GTF2IRD1: variants seen among roughly 807,000 people sequenced by gnomAD.
GTF2IRD1 encodes GTF2I repeat domain containing 1, also known as general transcription factor II-I repeat domain-containing protein 1.
In GTF2IRD1, 26 loss-of-function variants were observed where a neutral mutation model predicts 113.2. The observed-to-expected ratio is 0.23, with a 90% confidence interval of 0.17 to 0.32. The LOEUF (loss-of-function observed/expected upper bound fraction) is 0.32. Among genes scored for constraint, GTF2IRD1 ranks in the 10% least tolerant of loss-of-function variants. The pLI, the probability that GTF2IRD1 is intolerant of heterozygous loss-of-function variation, is 1.00. For synonymous variants in GTF2IRD1, 484 were observed against 529.1 expected (o/e 0.91, Z 1.17); for missense variants, 864 against 1,280.8 (o/e 0.67, Z 4.97).
intron 14 of GTF2IRD1, among the ~76,000 whole-genome samples, chr7:74,541,531 TAGG>T (rs1370187438): frequency 6.6e-6 from 1 of 150,382 alleles, no homozygotes; most frequent in Non-Finnish European, 1.5e-5. Flanking sequence ...GAGGCTGAGG[TAGG>T]AGGATTGATT....
At chr7:74,467,770 T>C (rs1793814957) in intron 1 of GTF2IRD1, among the ~76,000 whole-genome samples, 1 of 152,192 alleles carries the variant, frequency 6.6e-6, no homozygotes, top group South Asian at 2.1e-4. Flanking sequence ...CTCGACTCAC[T>C]GCAACCTCTG....
intron 22 of GTF2IRD1, among the ~76,000 whole-genome samples, chr7:74,570,063 C>T (rs1166418377): frequency 6.6e-6 from 1 of 152,044 alleles, no homozygotes; most frequent in African/African-American, 2.4e-5. Flanking sequence ...GGTTTTCAAA[C>T]CTCAGAAGCA....
intron 22 of GTF2IRD1, among the ~76,000 whole-genome samples, chr7:74,580,460 C>T (rs1801349448): frequency 1.3e-5 from 2 of 152,170 alleles, no homozygotes; most frequent in Admixed American, 6.5e-5. Context: ...CTGGCCAGGG[C>T]TCTTGCACTT....
chr7:74,598,111 T>C lies in GTF2IRD1; in HGVS notation c.2630-2933T>C, dbSNP rs143098830. Among the ~76,000 whole-genome samples the C allele has an allele frequency of 6.1e-3, 922 of 152,040 alleles. 10 individuals carry two copies. The highest frequency in any genetic ancestry group is 0.033 in the South Asian group (157 of 4,812). ...GGTGGCGCGTACCTGTTGTCCCAGA[T>C]AGTCAAGAGGATGAGGCAGGAGGAG... is the stretch of plus-strand genomic sequence containing the variant. On this transcript the variant is annotated intron_variant, in intron 25 of 26. Coordinates refer to ENST00000424337, the MANE Select transcript of GTF2IRD1 (RefSeq NM_005685.4).
intron 1 of GTF2IRD1, among the ~76,000 whole-genome samples, chr7:74,479,931 G>A (rs1317842249): frequency 6.6e-6 from 1 of 151,816 alleles, no homozygotes; most frequent in Non-Finnish European, 1.5e-5. Context: ...ATTTTTAGTA[G>A]AGACGGGGTT....
chr7:74,576,419 G>A (rs1177626146), intron 22 of GTF2IRD1, among the ~76,000 whole-genome samples: 2 of 150,608 alleles, frequency 1.3e-5, no homozygotes, highest in African/African-American at 4.9e-5. Context: ...AAATTAGCCA[G>A]GTGTGGTGGT....
At chr7:74,551,572 A>G (rs1753659003) in intron 17 of GTF2IRD1, among the ~76,000 whole-genome samples, 1 of 152,148 alleles carries the variant, frequency 6.6e-6, no homozygotes, top group Admixed American at 6.6e-5. Context: ...GAGGGACAGG[A>G]GGAACCTGGA....
At chr7:74,529,698 C>A in intron 8 of GTF2IRD1, 36 bp from the exon 9 acceptor site, 2 of 1,604,526 alleles carry the variant, frequency 1.2e-6, no homozygotes, top group African/African-American at 1.3e-5. Flanking sequence ...AGCAGCCTGT[C>A]TAACACTCAG....
intron 1 of GTF2IRD1, among the ~76,000 whole-genome samples, chr7:74,476,460 GTTCAAGCGATTCTC>G (rs1794416886): frequency 6.7e-6 from 1 of 148,892 alleles, no homozygotes; most frequent in South Asian, 2.1e-4. Flanking sequence ...TGCCTCCCGG[GTTCAAGCGATTCTC>G]CTGCCTCAGC....
intron 5 of GTF2IRD1, 34 bp downstream of exon 5, chr7:74,518,356 G>C (rs781873994): frequency 1.3e-6 from 2 of 1,523,746 alleles, no homozygotes; most frequent in East Asian, 4.6e-5. Context: ...GCTGGGCTGG[G>C]GCTGGGCCAG....
intron 22 of GTF2IRD1, among the ~76,000 whole-genome samples, chr7:74,568,177 T>G (rs10233478): frequency 6.7e-6 from 1 of 149,596 alleles, no homozygotes; most frequent in African/African-American, 2.5e-5. Context: ...GGAAGGAGGA[T>G]GGGGGGAATG....
intron 5 of GTF2IRD1, among the ~76,000 whole-genome samples, chr7:74,518,619 C>T (rs1489211512): frequency 3.9e-5 from 6 of 152,252 alleles, no homozygotes; most frequent in East Asian, 3.9e-4. Context: ...GTAGCTCATG[C>T]CTGTAATCTC....
chr7:74,551,393 CAA>C (rs1799297957), intron 17 of GTF2IRD1, among the ~76,000 whole-genome samples: 1 of 152,144 alleles, frequency 6.6e-6, no homozygotes, highest in Non-Finnish European at 1.5e-5. Flanking sequence ...AAGAGACAAA[CAA>C]ACTAAAAAAC....
At chr7:74,486,026 G>A (rs1357568405) in intron 1 of GTF2IRD1, among the ~76,000 whole-genome samples, 6 of 151,492 alleles carry the variant, frequency 4.0e-5, no homozygotes, top group African/African-American at 9.7e-5. Context: ...GCTGGAGTAC[G>A]GTGGCATGAT....
intron 1 of GTF2IRD1, among the ~76,000 whole-genome samples, chr7:74,501,470 G>A (rs2129864461): frequency 6.6e-6 from 1 of 152,150 alleles, no homozygotes; most frequent in East Asian, 1.9e-4. Context: ...GGAGGGGGCG[G>A]TCCTTGAGCT....
At chr7:74,556,620 CTTTTT>C (rs782679644) in intron 19 of GTF2IRD1, among the ~76,000 whole-genome samples, 1 of 107,162 alleles carries the variant, frequency 9.3e-6, no homozygotes, top group Non-Finnish European at 1.9e-5. Context: ...CTGCACCCAG[CTTTTT>C]TTTTTTTTTT....
intron 1 of GTF2IRD1, among the ~76,000 whole-genome samples, chr7:74,479,921 A>G (rs1224697304): frequency 2.0e-5 from 3 of 151,508 alleles, no homozygotes; most frequent in Admixed American, 6.6e-5. Flanking sequence ...TAATTTTTGT[A>G]TTTTTAGTAG....
intron 1 of GTF2IRD1, among the ~76,000 whole-genome samples, chr7:74,454,403 A>G (rs1006734668): frequency 6.6e-6 from 1 of 150,706 alleles, no homozygotes; most frequent in Non-Finnish European, 1.5e-5. Flanking sequence ...CCTGCCCGGG[A>G]GGGGCCGGGA....
chr7:74,512,899 G>T lies in GTF2IRD1; in HGVS notation c.193G>T (p.Val65Leu), dbSNP rs781926381. Residue 65 changes from valine to leucine, a missense_variant, in exon 3 of 27, where the codon GTG becomes TTG. Transcript: ENST00000424337. The surrounding 1 kb of genome is among the most constrained non-coding windows in gnomAD (Gnocchi z 4.4). ...VAVHDESAFV[V>L]GTEKGRMFLN... ...CGTGCACGATGAGAGCGCCTTTGTG[G>T]TGGGCACAGAGAAGGGGAGAATGTT... is the stretch of plus-strand genomic sequence containing the variant. 2 of 1,614,042 alleles carry T rather than the reference G, an allele frequency of 1.2e-6. No individual in the cohort carries two copies. The highest frequency in any genetic ancestry group is 2.7e-5 in the African/African-American group (2 of 74,946).
Sources: gnomAD v4.1 joint callset for allele counts (sites outside exome capture counted in the v4.1 genomes callset) on GRCh38, gnomAD v4.1.1 for gene constraint, Gnocchi (gnomAD v3.1) non-coding constraint, MANE v1.5 for transcripts, NCBI Gene and HGNC (gene_info 2026-07-23, HGNC 2026-07-21) for gene names.